The following PDE3A variants were observed in gnomAD, a reference collection of about 807,000 sequenced individuals.
PDE3A encodes the protein cGMP-inhibited 3',5'-cyclic phosphodiesterase 3A.
A neutral mutation model predicts 98.3 loss-of-function variants in PDE3A; 43 were observed. The observed-to-expected ratio is 0.44, with a 90% CI of 0.34 to 0.56. The LOEUF (loss-of-function observed/expected upper bound fraction) is 0.56, where lower values mean the gene tolerates loss of function less well. PDE3A is among the 20% of genes least tolerant of loss of function. The probability of loss-of-function intolerance (pLI) is 0.01; values close to 1 mark genes in which losing one functional copy is unlikely to be tolerated. For synonymous variants in PDE3A, 663 were observed against 567.9 expected, an observed-to-expected ratio of 1.17 and a Z score of -2.38; for missense variants, 1,427 against 1,440.7, an observed-to-expected ratio of 0.99 and a Z score of 0.15.
chr12:20,422,209 G>A (rs1944527841), intron 1 of PDE3A, among the ~76,000 whole-genome samples: 1 of 152,078 alleles, frequency 6.6e-6, no homozygotes. Context: ...AGCCGGGCAT[G>A]GTGGCGGGCA....
chr12:20,581,871 C>T lies in PDE3A; in HGVS notation c.1011+25161C>T, dbSNP rs555034121. On this transcript the variant is annotated intron_variant, in intron 2 of 15. Transcript: ENST00000359062. ...TCGTGATCCGCCCGCCTCGGCCTCC[C>T]AAAGTGGTACATAGATTTCTAAATG... 3.9e-5 allele frequency among the ~76,000 whole-genome samples: 6 copies of T among 152,140 alleles called. No homozygotes were observed. In the South Asian group the frequency reaches 1.2e-3, roughly 32 times the overall value.
chr12:20,624,083 G>A (rs969794963), intron 5 of PDE3A, among the ~76,000 whole-genome samples: 3 of 152,032 alleles, frequency 2.0e-5, no homozygotes, highest in African/African-American at 7.2e-5. Context: ...GTTCAGATGA[G>A]GAAACTGAGG....
intron 1 of PDE3A, among the ~76,000 whole-genome samples, chr12:20,485,773 A>T (rs557975925): frequency 3.0e-4 from 46 of 152,278 alleles, no homozygotes; most frequent in African/African-American, 1.0e-3. Context: ...TTTAAGTATT[A>T]TTACTATCTT....
chr12:20,637,320 C>A, intron 9 of PDE3A, 83 bp downstream of exon 9: 1 of 993,158 alleles, frequency 1.0e-6, no homozygotes, highest in Non-Finnish European at 1.5e-6. Flanking sequence ...ATTCTTGACA[C>A]TTGTGGATAG....
At chr12:20,566,672 C>T (rs904118159) in intron 2 of PDE3A, among the ~76,000 whole-genome samples, 13 of 151,816 alleles carry the variant, frequency 8.6e-5, no homozygotes, top group African/African-American at 3.1e-4. Context: ...GGACTGGGAG[C>T]AGAGGAGAGG....
chr12:20,538,565 G>C (rs974066167), intron 1 of PDE3A, among the ~76,000 whole-genome samples: 3 of 152,138 alleles, frequency 2.0e-5, no homozygotes, highest in Non-Finnish European at 4.4e-5. Flanking sequence ...CCAGGGTTCT[G>C]TGAATAAGGA....
chr12:20,446,751 C>T (rs1944962277), intron 1 of PDE3A, among the ~76,000 whole-genome samples: 1 of 152,110 alleles, frequency 6.6e-6, no homozygotes, highest in African/African-American at 2.4e-5. Context: ...TGAAGAAAAG[C>T]AGACCGAGTG....
intron 1 of PDE3A, among the ~76,000 whole-genome samples, chr12:20,443,864 A>G (rs1944909320): frequency 1.3e-5 from 2 of 152,158 alleles, no homozygotes; most frequent in Non-Finnish European, 2.9e-5. Flanking sequence ...ACTCCCTCTG[A>G]ATGTTTGTAC....
chr12:20,527,454 G>A (rs1946545410), intron 1 of PDE3A, among the ~76,000 whole-genome samples: 1 of 152,016 alleles, frequency 6.6e-6, no homozygotes, highest in African/African-American at 2.4e-5. Flanking sequence ...CTGGCATTCA[G>A]TGAGTGCCAG....
At chr12:20,607,292 T>A (rs1943733755) in intron 2 of PDE3A, among the ~76,000 whole-genome samples, 1 of 151,484 alleles carries the variant, frequency 6.6e-6, no homozygotes, top group African/African-American at 2.4e-5. Context: ...TACAAAAAAA[T>A]TAGGCATGGT....
At chr12:20,504,304 G>A (rs1022477539) in intron 1 of PDE3A, among the ~76,000 whole-genome samples, 2 of 151,858 alleles carry the variant, frequency 1.3e-5, no homozygotes, top group African/African-American at 4.8e-5. Flanking sequence ...ACCACAGAGA[G>A]CATGTCTTAG....
chr12:20,569,768 G>A (rs1049411885), intron 2 of PDE3A, among the ~76,000 whole-genome samples: 11 of 152,072 alleles, frequency 7.2e-5, no homozygotes, highest in Admixed American at 2.0e-4. Context: ...AAGTACCTGC[G>A]TATTTGTTCA....
intron 15 of PDE3A, among the ~76,000 whole-genome samples, chr12:20,662,706 A>G (rs1200833125): frequency 1.3e-5 from 2 of 151,882 alleles, no homozygotes; most frequent in African/African-American, 4.8e-5. Flanking sequence ...TCAGAAAGAC[A>G]TGGTTTGGAA....
chr12:20,418,529 T>TA (rs1944460173), intron 1 of PDE3A, among the ~76,000 whole-genome samples: 1 of 152,228 alleles, frequency 6.6e-6, no homozygotes, highest in South Asian at 2.1e-4. Context: ...AAATTGTATT[T>TA]AATGTGGTTA....
intron 15 of PDE3A, among the ~76,000 whole-genome samples, chr12:20,664,416 G>C (rs962532029): frequency 2.6e-5 from 4 of 152,160 alleles, no homozygotes; most frequent in African/African-American, 9.7e-5. Context: ...TCTACCAGCT[G>C]CCTACTTTAC....
chr12:20,515,149 A>G (rs574507454), intron 1 of PDE3A, among the ~76,000 whole-genome samples: 10 of 152,348 alleles, frequency 6.6e-5, no homozygotes, highest in Admixed American at 3.3e-4. Flanking sequence ...ATACTGTTAC[A>G]ATGGCATTTA....
rs138080872 is a variant in PDE3A, at chr12:20,377,569, G to T, written c.960+7325G>T. Among the ~76,000 whole-genome samples, 1,429 of 151,770 alleles carry T rather than the reference G, an allele frequency of 9.4e-3. 8 individuals are homozygous for T. Among genetic ancestry groups the T allele is most frequent in the Middle Eastern group, 0.02 (6 of 294 alleles). On this transcript the variant is annotated intron_variant, in intron 1 of 15. Transcript: ENST00000359062. ...GATTTGTAATATTTGAGATACTAAT[G>T]TCACCTCTTCAGTTATAATGAAAAG... is the stretch of plus-strand genomic sequence containing the variant.
In PDE3A at chr12:20,370,261, C is replaced by T; in HGVS notation, c.960+17C>T. ...AGGGAACAGGTAAGCACTGGCAACT[C>T]CTCTCTCGGCTCTTGGAAACTTGAA... On this transcript the variant is annotated intron_variant, in intron 1 of 15. Coordinates refer to ENST00000359062, the MANE Select transcript of PDE3A (RefSeq NM_000921.5). 1 of 1,501,484 alleles carries T rather than the reference C, an allele frequency of 6.7e-7. No homozygotes were observed. Among genetic ancestry groups the T allele is most frequent in the South Asian group, 1.4e-5 (1 of 72,074 alleles). 93.0% of individuals were successfully genotyped at this position (1,501,484 alleles called of 1,614,324 possible).
At chr12:20,632,858 A>C (rs1468069115) in intron 6 of PDE3A, among the ~76,000 whole-genome samples, 1 of 151,994 alleles carries the variant, frequency 6.6e-6, no homozygotes, top group Admixed American at 6.6e-5. Context: ...TTCATATACT[A>C]TCATTCTATT....
Sources: gnomAD v4.1 joint callset for allele counts (sites outside exome capture counted in the v4.1 genomes callset) on GRCh38, gnomAD v4.1.1 for gene constraint, MANE v1.5 for transcripts, NCBI Gene and HGNC (gene_info 2026-07-23, HGNC 2026-07-21) for gene names.